ASIC3: variants seen among roughly 807,000 people sequenced by gnomAD.
The protein encoded by ASIC3 is acid-sensing ion channel 3.
Under a neutral mutation model 58.6 loss-of-function variants are expected in ASIC3, and 46 were observed. The ratio of observed to expected loss-of-function variants is 0.79; its 90% CI spans 0.62 to 1.00. ASIC3 has a LOEUF of 1.00. Ranked by LOEUF, ASIC3 falls within the 50% of genes least tolerant of loss-of-function variation. ASIC3 has a pLI of 0.00. For synonymous variants in ASIC3, 336 were observed against 300.2 expected, an observed-to-expected ratio of 1.12 and a Z score of -1.23; for missense variants, 770 against 735.0, an observed-to-expected ratio of 1.05 and a Z score of -0.55.
intron 4 of ASIC3, 29 bp downstream of exon 4, chr7:151,050,982 C>A (rs924044969): frequency 6.2e-7 from 1 of 1,613,234 alleles, no homozygotes; most frequent in Non-Finnish European, 8.5e-7. Context: ...CGTCCCATGG[C>A]GGGCAGGGCC....
At chr7:151,051,007 T>A in intron 4 of ASIC3, 32 bp from the exon 5 acceptor site, 2 of 1,613,222 alleles carry the variant, frequency 1.2e-6, no homozygotes, top group Non-Finnish European at 8.5e-7. Context: ...GAGCTGAGGC[T>A]GCTTCTAAAG....
intron 6 of ASIC3, 132 bp downstream of exon 6, chr7:151,051,451 G>A (rs1375213369): frequency 8.4e-7 from 1 of 1,185,074 alleles, no homozygotes; most frequent in African/African-American, 1.6e-5. Flanking sequence ...CTGGCTCTGG[G>A]GCTCCGTGCT....
intron 7 of ASIC3, 24 bp downstream of exon 7, chr7:151,051,925 C>T (rs375324927): frequency 7.4e-6 from 12 of 1,613,180 alleles, no homozygotes; most frequent in Non-Finnish European, 9.3e-6. Flanking sequence ...GCCCCCAGGG[C>T]TGGGGGGGTG....
In ASIC3 at chr7:151,051,270, G is replaced by T; in HGVS notation, c.1165G>T (p.Ala389Ser). Residue 389 changes from alanine to serine, a missense_variant, in exon 6 of 11, where the codon GCC becomes TCC. Coordinates refer to ENST00000349064, the MANE Select transcript of ASIC3 (RefSeq NM_004769.4). ...CATGGTGCGGATCCCGAGCCGCGCC[G>T]CCGCGCGCTTCCTGGCCCGGAAGCT... ...LSMVRIPSRA[A>S]ARFLARKLNR... 2.0e-6 allele frequency: 3 copies of T among 1,530,028 alleles called. No homozygotes were observed. The highest frequency in any genetic ancestry group is 2.6e-6 in the Non-Finnish European group (3 of 1,146,646). 94.8% of individuals were successfully genotyped at this position (1,530,028 alleles called of 1,614,324 possible).
In ASIC3 at chr7:151,051,040, C is replaced by A; in HGVS notation, c.1011C>A (p.Gly337=). 6.2e-7 allele frequency: 1 copy of A among 1,613,318 alleles called. No homozygotes were observed. ...AAGCCATCTCCCCGGTACCCGCAGG[C>A]GACGTGCCAGTGTGCAGCCCCCAGC... ...KCGCRMVYMP[G]DVPVCSPQQY... The change falls in exon 5 of 11, where the codon GGC becomes GGA. Residue 337 remains glycine, a splice_region_variant and synonymous_variant. Transcript: ENST00000349064.
Position 151,051,972 on chromosome 7 carries a change from T to G in ASIC3, c.1307-11T>G. The G allele has an allele frequency of 1.9e-6, 3 of 1,613,358 alleles. No homozygotes were observed. The highest frequency in any genetic ancestry group is 2.5e-6 in the Non-Finnish European group (3 of 1,179,792). ...GTGGCTGTAAGTTGAAGGGTGACCC[T>G]GTCTCCACAGGTGACATTGGGGGCC... On this transcript the variant is annotated splice_polypyrimidine_tract_variant and intron_variant, in intron 7 of 10. Transcript: ENST00000349064.
intron 5 of ASIC3, 23 bp from the exon 6 acceptor site, chr7:151,051,149 T>A: frequency 1.3e-6 from 2 of 1,597,702 alleles, no homozygotes; most frequent in Non-Finnish European, 1.7e-6. Context: ...CGCGGGCGTC[T>A]GACGCGGCCC....
chr7:151,050,658 C>G, intron 3 of ASIC3, 50 bp downstream of exon 3: 1 of 1,611,740 alleles, frequency 6.2e-7, no homozygotes, highest in South Asian at 1.1e-5. Flanking sequence ...CACACCACCT[C>G]AGACCCTAAA....
At position 151,050,932 on chromosome 7, in the gene ASIC3, T is replaced by C; in HGVS notation, c.988T>C (p.Cys330Arg). 6.2e-7 allele frequency: 1 copy of C among 1,613,454 alleles called. No homozygotes were observed. The highest frequency in any genetic ancestry group is 1.7e-5 in the Admixed American group (1 of 60,026). ...ETRYVARKCGCRMVYMPGDVP... is the reference protein window; with the variant it reads ...ETRYVARKCGRRMVYMPGDVP... Reference sequence around the variant, plus strand: ...CCGCTACGTGGCTCGGAAGTGCGGCTGCCGAATGGTGTACATGCCAGGTGA... The same window carrying C: ...CCGCTACGTGGCTCGGAAGTGCGGCCGCCGAATGGTGTACATGCCAGGTGA... Residue 330 changes from cysteine (C) to arginine (R), a missense_variant, in exon 4 of 11, where the codon TGC (cysteine) becomes CGC (arginine). Physicochemically the swap from Cys to Arg is radical, Grantham distance 180. Transcript: ENST00000349064.
In ASIC3 at chr7:151,050,813, A is replaced by G. The variant is rs774073299; in HGVS notation, c.869A>G (p.Asn290Ser). 7 of 1,613,560 alleles carry G rather than the reference A, an allele frequency of 4.3e-6. No homozygotes were observed. The highest frequency in any genetic ancestry group is 1.1e-5 in the South Asian group (1 of 91,090). Residue 290 changes from asparagine (N) to serine (S), a missense_variant, in exon 4 of 11, where the codon AAC (asparagine) becomes AGC (serine). By Grantham distance (46) the Asn-to-Ser change is conservative. Transcript: ENST00000349064. Reference sequence around the variant, plus strand: ...TGCAGTTCAGCATCTCTGAACCCCAACTATGAGCCAGAGCCCTCTGATCCC... The same window carrying G: ...TGCAGTTCAGCATCTCTGAACCCCAGCTATGAGCCAGAGCCCTCTGATCCC... ...GDCSSASLNPNYEPEPSDPLG... is the reference protein window; with the variant it reads ...GDCSSASLNPSYEPEPSDPLG...
In ASIC3 at chr7:151,051,191, C is replaced by T; in HGVS notation, c.1086C>T (p.Asp362=). Residue 362 remains aspartate (D), a synonymous_variant, in exon 6 of 11, where the codon GAC becomes GAT. Coordinates refer to ENST00000349064, the MANE Select transcript of ASIC3 (RefSeq NM_004769.4). ...CCGCAGATGCCATGCTTCGCAAGGACTCGTGCGCCTGCCCCAACCCGTGCG... is the reference window on the plus strand; with the variant it reads ...CCGCAGATGCCATGCTTCGCAAGGATTCGTGCGCCTGCCCCAACCCGTGCG... ...HPAIDAMLRK[D]SCACPNPCAS... 2 of 1,591,220 alleles carry T rather than the reference C, an allele frequency of 1.3e-6. No homozygotes were observed. The highest frequency in any genetic ancestry group is 2.3e-5 in the East Asian group (1 of 43,960).
In ASIC3 at chr7:151,052,294, T is replaced by C; in HGVS notation, c.1458+57T>C. The C allele has an allele frequency of 6.2e-7, 1 of 1,613,266 alleles. No homozygotes were observed. The highest frequency in any genetic ancestry group is 2.2e-5 in the East Asian group (1 of 44,872). On this transcript the variant is annotated intron_variant, in intron 9 of 10. Coordinates refer to ENST00000349064, the MANE Select transcript of ASIC3 (RefSeq NM_004769.4). The surrounding 1 kb of genome is among the most constrained non-coding windows in gnomAD (Gnocchi z 5.0). Reference sequence around the variant, plus strand: ...CTCCAAGGGTGCTAGGGCCCACCCCTGAAGCCTAGACCACCATCCCGCCCC... The same window carrying C: ...CTCCAAGGGTGCTAGGGCCCACCCCCGAAGCCTAGACCACCATCCCGCCCC...
Position 151,051,362 on chromosome 7 carries a change from C to G in ASIC3, c.1214+43C>G, listed in dbSNP as rs1393704468. On this transcript the variant is annotated intron_variant, in intron 6 of 10. Transcript: ENST00000349064. ...GGCGGGCTCCTCCGAGCCGGGGGCT[C>G]CCGACGGGGCGGAACGGGGCAGGCC... The G allele has an allele frequency of 2.1e-6, 3 of 1,433,012 alleles. No individual in the cohort carries two copies. In the African/African-American group the frequency reaches 4.5e-5, roughly 22 times the overall value. The allele number at this position is 1,433,012 out of a possible 1,614,324, so 88.8% of individuals were successfully genotyped here.
chr7:151,051,188 G>A lies in ASIC3; in HGVS notation c.1083G>A (p.Lys361=), dbSNP rs771618030. Residue 361 remains lysine (K), a synonymous_variant, in exon 6 of 11, where the codon AAG becomes AAA. Coordinates refer to ENST00000349064, the MANE Select transcript of ASIC3 (RefSeq NM_004769.4). ...GGCCCGCAGATGCCATGCTTCGCAA[G>A]GACTCGTGCGCCTGCCCCAACCCGT... The part of the protein sequence containing the change: ...AHPAIDAMLR[K]DSCACPNPCA... 2 of 1,591,860 alleles carry A rather than the reference G, an allele frequency of 1.3e-6. No individual in the cohort carries two copies. The highest frequency in any genetic ancestry group is 4.5e-5 in the East Asian group (2 of 44,042).
In ASIC3 at chr7:151,050,946, C is replaced by G. The variant is rs750094907; in HGVS notation, c.1002C>G (p.Tyr334Ter). The G allele has an allele frequency of 2.5e-6, 4 of 1,613,354 alleles. No homozygotes were observed. In the African/African-American group the frequency reaches 4.0e-5, roughly 16 times the overall value. The change falls in exon 4 of 11, where the codon TAC becomes TAG. Residue 334 changes from tyrosine (Y) to a stop codon, truncating the protein, a stop_gained. Coordinates refer to ENST00000349064, the MANE Select transcript of ASIC3 (RefSeq NM_004769.4). LOFTEE classifies it high-confidence loss of function. ...VARKCGCRMVYMPGDVPVCSP... is the reference protein window; with the variant it reads ...VARKCGCRMV ...GGAAGTGCGGCTGCCGAATGGTGTA[C>G]ATGCCAGGTGAGGGGCTGGGGTTTT...
rs554289599 is a variant in ASIC3, at chr7:151,048,916, C to G, written c.31C>G (p.Arg11Gly). 2 of 1,560,752 alleles carry G rather than the reference C, an allele frequency of 1.3e-6. No individual in the cohort carries two copies. The highest frequency in any genetic ancestry group is 2.3e-5 in the East Asian group (1 of 44,316). MKPTSGPEEA[R>G]RPASDIRVFA... is the part of the protein sequence containing the mutation. ...GCCCACCTCAGGCCCAGAGGAGGCC[C>G]GGCGGCCAGCCTCGGACATCCGCGT... Residue 11 changes from arginine to glycine, a missense_variant, in exon 1 of 11, where the codon CGG becomes GGG. Arg to Gly is a moderately radical substitution (Grantham distance 125). Coordinates refer to ENST00000349064, the MANE Select transcript of ASIC3 (RefSeq NM_004769.4).
In ASIC3 at chr7:151,048,729, G is replaced by C; in HGVS notation, c.-157G>C. The C allele has an allele frequency of 1.1e-6, 1 of 886,494 alleles. No individual in the cohort carries two copies. The highest frequency in any genetic ancestry group is 1.7e-6 in the Non-Finnish European group (1 of 577,544). 54.9% of individuals were successfully genotyped at this position (886,494 alleles called of 1,614,324 possible). On this transcript the variant is annotated 5_prime_UTR_variant, in exon 1 of 11. Transcript: ENST00000349064. ...CACCTCCTCCAATCCTGCCAGGCTAGTGCCTCCCTGCCTTCCAACCTTGGC... is the reference window on the plus strand; with the variant it reads ...CACCTCCTCCAATCCTGCCAGGCTACTGCCTCCCTGCCTTCCAACCTTGGC...
rs946134967 is a variant in ASIC3 at position 151,048,709 on chromosome 7, C to T, written c.-177C>T. 1 of 747,922 alleles carries T rather than the reference C, an allele frequency of 1.3e-6. No individual in the cohort carries two copies. The highest frequency in any genetic ancestry group is 2.2e-6 in the Non-Finnish European group (1 of 461,416). 46.3% of individuals were successfully genotyped at this position (747,922 alleles called of 1,614,324 possible). ...TGGGACCTGACCGGCCAGATCACCT[C>T]CTCCAATCCTGCCAGGCTAGTGCCT... On this transcript the variant is annotated 5_prime_UTR_variant, in exon 1 of 11. Transcript: ENST00000349064.
Position 151,048,964 on chromosome 7 carries a change from C to G in ASIC3, c.79C>G (p.His27Asp), listed in dbSNP as rs755394745. The G allele has an allele frequency of 1.1e-5, 18 of 1,600,846 alleles. No homozygotes were observed. The highest frequency in any genetic ancestry group is 1.5e-5 in the Non-Finnish European group (18 of 1,170,774). ...IRVFASNCSM[H>D]GLGHVFGPGS... ...CGTGTTCGCCAGCAACTGCTCGATG[C>G]ACGGGCTGGGCCACGTCTTCGGGCC... is the stretch of plus-strand genomic sequence containing the variant. The change falls in exon 1 of 11, where the codon CAC becomes GAC. Residue 27 changes from histidine to aspartate, a missense_variant. Coordinates refer to ENST00000349064, the MANE Select transcript of ASIC3 (RefSeq NM_004769.4).
Sources: gnomAD v4.1 joint callset for allele counts on GRCh38, gnomAD v4.1.1 for gene constraint, Gnocchi (gnomAD v3.1) non-coding constraint, MANE v1.5 for transcripts, NCBI Gene and HGNC (gene_info 2026-07-23, HGNC 2026-07-21) for gene names.